Variants in ST6GALNAC5 observed in about 807,000 individuals in gnomAD.
The protein encoded by ST6GALNAC5 is ST6 N-acetylgalactosaminide alpha-2,6-sialyltransferase 5.
In ST6GALNAC5, 27 loss-of-function variants were observed where a neutral mutation model predicts 33.6. That is an observed-to-expected ratio of 0.80 (90% CI 0.59 to 1.11). The LOEUF (loss-of-function observed/expected upper bound fraction) is 1.11, where lower values mean the gene tolerates loss of function less well. ST6GALNAC5 is among the 50% of genes least tolerant of loss of function. The pLI, the probability that ST6GALNAC5 is intolerant of heterozygous loss-of-function variation, is 0.00. For synonymous variants in ST6GALNAC5, 194 were observed against 171.2 expected (o/e 1.13, Z -1.04); for missense variants, 428 against 454.0 (o/e 0.94, Z 0.52).
chr1:76,968,745 T>C (rs1041854613), intron 2 of ST6GALNAC5, among the ~76,000 whole-genome samples: 2 of 152,198 alleles, frequency 1.3e-5, no homozygotes, highest in African/African-American at 4.8e-5. Context: ...TGTTTAGTGC[T>C]TCCTTCAGGA....
rs76373421 is a variant in ST6GALNAC5, at chr1:77,056,867, G to A, written c.780-6108G>A. On this transcript the variant is annotated intron_variant, in intron 4 of 4. Coordinates refer to ENST00000477717, the MANE Select transcript of ST6GALNAC5 (RefSeq NM_030965.3). Reference sequence around the variant, plus strand: ...ACAATGCTATTCCATGGGCTTCCAAGGTATACAGCTCTTTTCCTCCCATAA... The same window carrying A: ...ACAATGCTATTCCATGGGCTTCCAAAGTATACAGCTCTTTTCCTCCCATAA... Among the ~76,000 whole-genome samples the A allele has an allele frequency of 2.0e-3, 306 of 152,210 alleles. 6 individuals carry two copies. The East Asian group carries it at 0.045, about 22-fold the overall frequency.
At chr1:77,034,240 C>T (rs917210465) in intron 2 of ST6GALNAC5, among the ~76,000 whole-genome samples, 6 of 151,958 alleles carry the variant, frequency 3.9e-5, no homozygotes, top group Non-Finnish European at 8.8e-5. Context: ...TGGTTGCCAG[C>T]GAATCCTCCG....
At chr1:77,045,875 A>G (rs145509144) in intron 3 of ST6GALNAC5, among the ~76,000 whole-genome samples, 7 of 152,338 alleles carry the variant, frequency 4.6e-5, no homozygotes, top group African/African-American at 1.7e-4. Context: ...ACTAGAGAGT[A>G]CAGCTCTGGG....
chr1:76,988,870 A>G (rs1292065573), intron 2 of ST6GALNAC5, among the ~76,000 whole-genome samples: 1 of 152,198 alleles, frequency 6.6e-6, no homozygotes, highest in African/African-American at 2.4e-5. Flanking sequence ...ACAAAAAGAC[A>G]TCAACAAAAT....
chr1:76,881,665 C>G (rs1171166526), intron 2 of ST6GALNAC5, among the ~76,000 whole-genome samples: 2 of 152,096 alleles, frequency 1.3e-5, no homozygotes, highest in Non-Finnish European at 2.9e-5. Context: ...ATGAGAATAT[C>G]TACATAAAGA....
At position 76,868,416 on chromosome 1, in the gene ST6GALNAC5, C is replaced by A. The variant is rs1255896917; in HGVS notation, c.16-81C>A. 6 of 1,521,076 alleles carry A rather than the reference C, an allele frequency of 3.9e-6. No homozygotes were observed. The highest frequency in any genetic ancestry group is 5.3e-6 in the Non-Finnish European group (6 of 1,132,276). 94.2% of individuals were successfully genotyped at this position (1,521,076 alleles called of 1,614,324 possible). ...AAATCTCCCCCACTAGAGTGACCAC[C>A]GCACAGTTGTCCCCGCTGGGCGCGC... On this transcript the variant is annotated intron_variant, in intron 1 of 4. Transcript: ENST00000477717. The surrounding 1 kb of genome is among the most constrained non-coding windows in gnomAD (Gnocchi z 4.3).
At chr1:76,911,117 A>G (rs1419380057) in intron 2 of ST6GALNAC5, among the ~76,000 whole-genome samples, 1 of 152,166 alleles carries the variant, frequency 6.6e-6, no homozygotes, top group African/African-American at 2.4e-5. Flanking sequence ...AAAACTTCCC[A>G]TCAATACCTA....
chr1:77,046,325 C>A (rs1028730690), intron 3 of ST6GALNAC5, among the ~76,000 whole-genome samples: 1 of 152,232 alleles, frequency 6.6e-6, no homozygotes, highest in African/African-American at 2.4e-5. Flanking sequence ...CTTTGGCTAG[C>A]AGCTCATTAT....
intron 2 of ST6GALNAC5, among the ~76,000 whole-genome samples, chr1:76,988,455 T>G (rs891403276): frequency 1.3e-5 from 2 of 152,092 alleles, no homozygotes; most frequent in Non-Finnish European, 2.9e-5. Context: ...TATAAATTGA[T>G]CTTAGTCCTC....
chr1:76,887,496 T>C (rs1271745796), intron 2 of ST6GALNAC5, among the ~76,000 whole-genome samples: 1 of 152,208 alleles, frequency 6.6e-6, no homozygotes, highest in African/African-American at 2.4e-5. Context: ...TTTCAGTCTT[T>C]CTGTGTACTT....
chr1:76,959,753 A>T (rs999226372), intron 2 of ST6GALNAC5, among the ~76,000 whole-genome samples: 1 of 152,192 alleles, frequency 6.6e-6, no homozygotes, highest in African/African-American at 2.4e-5. Context: ...ATTCTTAGTC[A>T]CTGGCTTATG....
At chr1:76,985,153 AG>A (rs1260639227) in intron 2 of ST6GALNAC5, among the ~76,000 whole-genome samples, 2 of 152,210 alleles carry the variant, frequency 1.3e-5, no homozygotes, top group Non-Finnish European at 2.9e-5. Flanking sequence ...TATTGTTGGA[AG>A]TTATGGCCAA....
intron 2 of ST6GALNAC5, among the ~76,000 whole-genome samples, chr1:77,019,818 C>T (rs199685): frequency 0.29 from 44,037 of 152,120 alleles, 6,950 homozygotes; most frequent in African/African-American, 0.39. Context: ...CATTTAAATA[C>T]TGATGTTTTG....
chr1:76,974,823 C>T (rs1423759736), intron 2 of ST6GALNAC5, among the ~76,000 whole-genome samples: 1 of 43,234 alleles, frequency 2.3e-5, no homozygotes, highest in Non-Finnish European at 4.2e-5. Context: ...GCTCTTGTTG[C>T]CTAAGCTGGA....
chr1:77,021,325 T>C (rs766808196), intron 2 of ST6GALNAC5, among the ~76,000 whole-genome samples: 2 of 152,212 alleles, frequency 1.3e-5, no homozygotes, highest in Non-Finnish European at 2.9e-5. Flanking sequence ...GCAGGGGGTA[T>C]GTTGCTTTTA....
chr1:77,038,045 A>G (rs1040745225), intron 2 of ST6GALNAC5, among the ~76,000 whole-genome samples: 19 of 152,236 alleles, frequency 1.2e-4, no homozygotes, highest in African/African-American at 4.6e-4. Context: ...CTTTGCTTCA[A>G]ATTACCTTTC....
intron 4 of ST6GALNAC5, among the ~76,000 whole-genome samples, chr1:77,060,967 A>T (rs575431400): frequency 6.6e-6 from 1 of 152,312 alleles, no homozygotes; most frequent in African/African-American, 2.4e-5. Context: ...TGCCATATGA[A>T]TATGGGAAGA....
At chr1:76,905,180 C>T (rs185441500) in intron 2 of ST6GALNAC5, among the ~76,000 whole-genome samples, 18 of 152,182 alleles carry the variant, frequency 1.2e-4, no homozygotes, top group Admixed American at 7.9e-4. Flanking sequence ...GAGAGCACAT[C>T]GTGTTTATTT....
chr1:76,916,102 A>G (rs1462822593), intron 2 of ST6GALNAC5, among the ~76,000 whole-genome samples: 2 of 151,964 alleles, frequency 1.3e-5, no homozygotes, highest in Admixed American at 6.6e-5. Flanking sequence ...GGAAAAAAGT[A>G]TCTTTTACCT....
Sources: allele counts gnomAD v4.1 joint callset (sites outside exome capture counted in the v4.1 genomes callset), GRCh38; gene constraint gnomAD v4.1.1; non-coding constraint Gnocchi (gnomAD v3.1); transcripts MANE v1.5; gene names NCBI Gene and HGNC (gene_info 2026-07-23, HGNC 2026-07-21).